Variants in SLC5A10 observed in about 807,000 individuals in gnomAD.
SLC5A10 encodes the protein solute carrier family 5 member 10, also known as sodium/mannose cotransporter SLC5A10.
Under a neutral mutation model 68.9 loss-of-function variants are expected in SLC5A10, and 55 were observed. The observed-to-expected ratio is 0.80, with a 90% CI of 0.64 to 1.00. The LOEUF (loss-of-function observed/expected upper bound fraction) is 1.00, where lower values mean the gene tolerates loss of function less well. Among genes scored for constraint, SLC5A10 ranks in the 50% least tolerant of loss-of-function variants. SLC5A10 has a pLI of 0.00. For missense variants in SLC5A10, 732 were observed against 819.3 expected (o/e 0.89, Z 1.30); for synonymous variants, 344 against 344.8 (o/e 1.00, Z 0.02).
chr17:19,021,939 C>A lies in SLC5A10; in HGVS notation c.*1508C>A. Reference sequence around the variant, plus strand: ...AGTTCCTGTAAAAAGGCCCGTTGGCCAGATCGGCCGCCGGGCTGCTCACAG... The same window carrying A: ...AGTTCCTGTAAAAAGGCCCGTTGGCAAGATCGGCCGCCGGGCTGCTCACAG... On this transcript the variant is annotated 3_prime_UTR_variant, in exon 15 of 15. Transcript: ENST00000395645. This position sits in a 1 kb window ranked among gnomAD's most constrained non-coding sequence, Gnocchi z 4.1. 6.7e-7 allele frequency: 1 copy of A among 1,492,582 alleles called. No individual in the cohort carries two copies. Among genetic ancestry groups the A allele is most frequent in the Admixed American group, 2.4e-5 (1 of 42,472 alleles). The allele number at this position is 1,492,582 out of a possible 1,614,324, so 92.5% of individuals were successfully genotyped here.
At chr17:18,983,958 AT>A (rs1365407026) in intron 9 of SLC5A10, among the ~76,000 whole-genome samples, 1 of 152,182 alleles carries the variant, frequency 6.6e-6, no homozygotes, top group Non-Finnish European at 1.5e-5. Context: ...GTTTAACAAC[AT>A]CCTTGGCCAC....
rs115908050 is a variant in SLC5A10 at position 18,984,929 on chromosome 17, C to G, written c.982+7940C>G. Among the ~76,000 whole-genome samples, 1,425 of 152,356 alleles carry G rather than the reference C, an allele frequency of 9.4e-3. 17 individuals carry two copies. The highest frequency in any genetic ancestry group is 0.031 in the African/African-American group (1,296 of 41,578). On this transcript the variant is annotated intron_variant, in intron 9 of 14. Transcript: ENST00000395645. ...AACCGGCTGAGGTGCTTAGGAATGG[C>G]TGGGAGCCCCACATTTGGGGAGACA...
At position 18,996,439 on chromosome 17, in the gene SLC5A10, G is replaced by C. The variant is rs2152137400; in HGVS notation, c.983-16971G>C. Among the ~76,000 whole-genome samples, 1 of 152,190 alleles carries C rather than the reference G, an allele frequency of 6.6e-6. No homozygotes were observed. The highest frequency in any genetic ancestry group is 2.4e-5 in the African/African-American group (1 of 41,538). On this transcript the variant is annotated intron_variant, in intron 9 of 14. Transcript: ENST00000395645. The surrounding 1 kb of genome is among the most constrained non-coding windows in gnomAD (Gnocchi z 4.4). ...AGGCCCAAGAAGGTTCTCTGGGTTAGGAAGTTCTCCTAGGATCCCTGGGTG... is the reference window on the plus strand; with the variant it reads ...AGGCCCAAGAAGGTTCTCTGGGTTACGAAGTTCTCCTAGGATCCCTGGGTG...
chr17:18,989,057 C>T (rs1272507998), intron 9 of SLC5A10, among the ~76,000 whole-genome samples: 1 of 152,220 alleles, frequency 6.6e-6, no homozygotes, highest in African/African-American at 2.4e-5. Flanking sequence ...ACACCTAGTC[C>T]CCTCCCTGTC....
At chr17:18,979,014 T>C (rs1227531742) in intron 9 of SLC5A10, 1 of 762,690 alleles carries the variant, frequency 1.3e-6, no homozygotes, top group Non-Finnish European at 2.1e-6. Context: ...TCAGACTGAG[T>C]CGGATGTCAA....
chr17:19,002,909 A>G (rs1567806698), intron 9 of SLC5A10, among the ~76,000 whole-genome samples: 1 of 152,140 alleles, frequency 6.6e-6, no homozygotes, highest in East Asian at 1.9e-4. Context: ...CTCCACTTCC[A>G]CAGATGAGGA....
At position 18,968,956 on chromosome 17, in the gene SLC5A10, C is replaced by T. The variant is rs910844814; in HGVS notation, c.454-96C>T. On this transcript the variant is annotated intron_variant, in intron 5 of 14. Coordinates refer to ENST00000395645, the MANE Select transcript of SLC5A10 (RefSeq NM_001042450.4). The surrounding 1 kb of genome is among the most constrained non-coding windows in gnomAD (Gnocchi z 4.1). Reference sequence around the variant, plus strand: ...TCTCCCCTCCTTATCCACAGGCCACCGAGGCCCAGAGAGGGCCTTGCCCGA... The same window carrying T: ...TCTCCCCTCCTTATCCACAGGCCACTGAGGCCCAGAGAGGGCCTTGCCCGA... The T allele has an allele frequency of 3.0e-5, 36 of 1,205,708 alleles. No individual in the cohort carries two copies. The highest frequency in any genetic ancestry group is 2.1e-4 in the Middle Eastern group (1 of 4,660). 74.7% of individuals were successfully genotyped at this position (1,205,708 alleles called of 1,614,324 possible).
At position 18,971,257 on chromosome 17, in the gene SLC5A10, C is replaced by T. The variant is rs183733514; in HGVS notation, c.846+39C>T. ...TCTCCCGCCCATCCCACCTTCCTGCCGTCCCAGTGGGCTCTGGTAGGCCCA... is the reference window on the plus strand; with the variant it reads ...TCTCCCGCCCATCCCACCTTCCTGCTGTCCCAGTGGGCTCTGGTAGGCCCA... On this transcript the variant is annotated intron_variant, in intron 8 of 14. Transcript: ENST00000395645. This position sits in a 1 kb window ranked among gnomAD's most constrained non-coding sequence, Gnocchi z 5.5. The T allele has an allele frequency of 2.1e-4, 337 of 1,612,252 alleles. 1 individual carries two copies. In the African/African-American group the frequency reaches 3.1e-3, roughly 15 times the overall value.
intron 9 of SLC5A10, among the ~76,000 whole-genome samples, chr17:18,990,782 G>C (rs2152131850): frequency 1.0e-5 from 1 of 97,552 alleles, no homozygotes; most frequent in Non-Finnish European, 2.1e-5. Context: ...TGCTGGGGAT[G>C]GGGAGGGGGA....
chr17:18,960,748 CTTGT>C lies in SLC5A10; in HGVS notation c.453+99_453+102del, dbSNP rs962637401. ...CTGACATCTTCTCATTCATCTCTGC[CTTGT>C]TTAACAGCTGGGCAAATTGAGGCCC... On this transcript the variant is annotated intron_variant, in intron 5 of 14. Coordinates refer to ENST00000395645, the MANE Select transcript of SLC5A10 (RefSeq NM_001042450.4). The C allele has an allele frequency of 6.6e-6, 8 of 1,221,116 alleles. No individual in the cohort carries two copies. The African/African-American group carries it at 8.9e-5, about 14-fold the overall frequency. The allele number at this position is 1,221,116 out of a possible 1,614,324, so 75.6% of individuals were successfully genotyped here. A position where few individuals can be genotyped will look rare whatever the true frequency, so the allele number is the denominator to read the frequency against.
At position 18,996,288 on chromosome 17, in the gene SLC5A10, C is replaced by T. The variant is rs1398553712; in HGVS notation, c.983-17122C>T. 6.6e-6 allele frequency among the ~76,000 whole-genome samples: 1 copy of T among 152,192 alleles called. No homozygotes were observed. Among genetic ancestry groups the T allele is most frequent in the Non-Finnish European group, 1.5e-5 (1 of 68,028 alleles). The stretch of plus-strand genomic sequence containing the variant: ...CTCCTCCAGCTGCAACCCCCTCCTC[C>T]AGCAGCACGGTTGGGACAGACGTGG... On this transcript the variant is annotated intron_variant, in intron 9 of 14. Transcript: ENST00000395645. This position sits in a 1 kb window ranked among gnomAD's most constrained non-coding sequence, Gnocchi z 4.4.
chr17:18,957,801 A>G (rs1229805989), intron 1 of SLC5A10, among the ~76,000 whole-genome samples: 2 of 152,190 alleles, frequency 1.3e-5, no homozygotes, highest in Admixed American at 1.3e-4. Flanking sequence ...CATGGCATTT[A>G]GTACATTTGC....
chr17:18,959,655 T>G lies in SLC5A10; in HGVS notation c.340T>G (p.Ser114Ala). The G allele has an allele frequency of 6.2e-7, 1 of 1,613,962 alleles. No homozygotes were observed. The highest frequency in any genetic ancestry group is 8.5e-7 in the Non-Finnish European group (1 of 1,179,984). Reference sequence around the variant, plus strand: ...ATGGGTGTTCGTGCCCATCTACATCTCCTCAGAGGTGAGTCTACTCATGGG... The same window carrying G: ...ATGGGTGTTCGTGCCCATCTACATCGCCTCAGAGGTGAGTCTACTCATGGG... ...LAWVFVPIYI[S>A]SEIVTLPEYI... is the part of the protein sequence containing the mutation. The change falls in exon 4 of 15, where the codon TCC becomes GCC. Residue 114 changes from serine (S) to alanine (A), a missense_variant. By Grantham distance (99) the Ser-to-Ala change is moderately conservative. Transcript: ENST00000395645.
intron 8 of SLC5A10, 127 bp from the exon 9 acceptor site, chr17:18,976,727 T>C (rs2042989165): frequency 2.3e-6 from 3 of 1,279,596 alleles, no homozygotes; most frequent in Non-Finnish European, 3.2e-6. Context: ...GTGGCTGTTT[T>C]GGGCAGGTCA....
At chr17:19,008,815 T>TATTATTATTA (rs112815870) in intron 9 of SLC5A10, among the ~76,000 whole-genome samples, 2 of 143,248 alleles carry the variant, frequency 1.4e-5, no homozygotes, top group African/African-American at 5.3e-5. Flanking sequence ...TTATTATTAT[T>TATTATTATTA]TTTTTTTTTT....
chr17:18,988,134 CTG>C, intron 9 of SLC5A10: 2 of 1,469,014 alleles, frequency 1.4e-6, no homozygotes, highest in Non-Finnish European at 1.8e-6. Flanking sequence ...TTACTGGACT[CTG>C]AGTGCCTGGC....
At chr17:18,977,192 C>T (rs2043001928) in intron 9 of SLC5A10, 2 of 685,798 alleles carry the variant, frequency 2.9e-6, no homozygotes, top group Non-Finnish European at 2.4e-6. Context: ...ACAGGTATCA[C>T]TTACTGCTGT....
At chr17:18,980,997 G>A (rs942120755) in intron 9 of SLC5A10, among the ~76,000 whole-genome samples, 2 of 152,148 alleles carry the variant, frequency 1.3e-5, no homozygotes, top group South Asian at 2.1e-4. Flanking sequence ...GAGCTGTGAC[G>A]TACTGGTCTG....
chr17:18,990,717 A>T (rs2043398012), intron 9 of SLC5A10, among the ~76,000 whole-genome samples: 1 of 152,210 alleles, frequency 6.6e-6, no homozygotes, highest in Non-Finnish European at 1.5e-5. Flanking sequence ...CTCCCCAGGC[A>T]TTGGGTTCAG....
Sources: allele counts gnomAD v4.1 joint callset (sites outside exome capture counted in the v4.1 genomes callset), GRCh38; gene constraint gnomAD v4.1.1; non-coding constraint Gnocchi (gnomAD v3.1); transcripts MANE v1.5; gene names NCBI Gene and HGNC (gene_info 2026-07-23, HGNC 2026-07-21).